SELP: variants seen among roughly 807,000 people sequenced by gnomAD.
SELP encodes the protein selectin P, also known as P-selectin.
SELP carries 92 observed loss-of-function variants against 104.1 expected under a neutral mutation model. The observed-to-expected ratio is 0.88, with a 90% CI of 0.75 to 1.05. SELP has a LOEUF of 1.05. Among genes scored for constraint, SELP ranks in the 50% least tolerant of loss-of-function variants. SELP has a pLI of 0.00. For synonymous variants in SELP, 397 were observed against 364.5 expected (o/e 1.09, Z -1.01); for missense variants, 1,022 against 1,017.3 (o/e 1.00, Z -0.06).
At chr1:169,629,142 C>G (rs1181476224) in intron 1 of SELP, among the ~76,000 whole-genome samples, 1 of 152,202 alleles carries the variant, frequency 6.6e-6, no homozygotes, top group African/African-American at 2.4e-5. Context: ...GTAGCTTAAC[C>G]ATGTGCATTT....
rs1177227413 is a variant in SELP, at chr1:169,596,983, A to G, written c.1891+8T>C. Reference sequence around the variant, plus strand: ...AGTAGAACTGTCTTAGCAAGTACATATTATTACCTTTGCAGGTTGGTGGAG... The same window carrying G: ...AGTAGAACTGTCTTAGCAAGTACATGTTATTACCTTTGCAGGTTGGTGGAG... On this transcript the variant is annotated splice_region_variant and intron_variant, in intron 11 of 16. Transcript: ENST00000263686. The G allele has an allele frequency of 3.7e-6, 6 of 1,607,792 alleles. No individual in the cohort carries two copies. The highest frequency in any genetic ancestry group is 3.4e-6 in the Non-Finnish European group (4 of 1,176,744).
In SELP at chr1:169,595,834, G is replaced by T; in HGVS notation, c.2101+91C>A. ...GATGACACTTGGAGTAGTGGTTGTGGTTGGGTGAGACTTCAACATACAGGC... is the reference window on the plus strand; with the variant it reads ...GATGACACTTGGAGTAGTGGTTGTGTTTGGGTGAGACTTCAACATACAGGC... On this transcript the variant is annotated intron_variant, in intron 12 of 16. Coordinates refer to ENST00000263686, the MANE Select transcript of SELP (RefSeq NM_003005.4). The T allele has an allele frequency of 3.7e-6, 4 of 1,094,836 alleles. No homozygotes were observed. The South Asian group carries it at 4.1e-5, about 11-fold the overall frequency. 67.8% of individuals were successfully genotyped at this position (1,094,836 alleles called of 1,614,324 possible). A position where few individuals can be genotyped will look rare whatever the true frequency, so the allele number is the denominator to read the frequency against.
At chr1:169,593,954 C>T (rs1458316396) in intron 13 of SELP, among the ~76,000 whole-genome samples, 2 of 152,118 alleles carry the variant, frequency 1.3e-5, no homozygotes, top group Non-Finnish European at 2.9e-5. Flanking sequence ...TAAATATAGA[C>T]TGTAATTTCC....
At chr1:169,628,866 G>C (rs772693602) in intron 1 of SELP, among the ~76,000 whole-genome samples, 2 of 152,134 alleles carry the variant, frequency 1.3e-5, no homozygotes, top group African/African-American at 4.8e-5. Flanking sequence ...ACTTAAGACA[G>C]GCTCAAACTC....
At chr1:169,603,292 T>TCTCC in intron 9 of SELP, 81 bp from the exon 10 acceptor site, 1 of 950,476 alleles carries the variant, frequency 1.1e-6, no homozygotes, top group Non-Finnish European at 1.5e-6. Context: ...TCTCTCTCTT[T>TCTCC]CTCCCTCTCT....
At chr1:169,624,791 G>A (rs1453985726) in intron 1 of SELP, among the ~76,000 whole-genome samples, 1 of 152,106 alleles carries the variant, frequency 6.6e-6, no homozygotes, top group Non-Finnish European at 1.5e-5. Flanking sequence ...GCAGGGTGAA[G>A]AGAAAAGCAG....
rs1207050555 is a variant in SELP, at chr1:169,620,181, C to T, written c.4-962G>A. Among the ~76,000 whole-genome samples, 7 of 152,042 alleles carry T rather than the reference C, an allele frequency of 4.6e-5. No individual in the cohort carries two copies. The East Asian group carries it at 5.8e-4, about 13-fold the overall frequency. ...GGAGATCACACCACTGCACTCTATC[C>T]GGGGCGACAGTGCAAGACTCCGTCT... On this transcript the variant is annotated intron_variant, in intron 1 of 16. Transcript: ENST00000263686.
intron 13 of SELP, 97 bp from the exon 14 acceptor site, chr1:169,593,821 T>G (rs1004154365): frequency 9.3e-6 from 12 of 1,290,694 alleles, no homozygotes; most frequent in Non-Finnish European, 1.2e-5. Flanking sequence ...CTCTAAGATG[T>G]GCGATCAAGT....
chr1:169,598,503 C>T (rs1395693100), intron 10 of SELP, among the ~76,000 whole-genome samples: 1 of 152,068 alleles, frequency 6.6e-6, no homozygotes, highest in Non-Finnish European at 1.5e-5. Flanking sequence ...TTCAAATAGC[C>T]AAAATAACAC....
chr1:169,629,071 G>A lies in SELP; in HGVS notation c.3+1001C>T, dbSNP rs2101941157. ...CCTGGTTCCTCCATAGCCACAGACTGCAGGATTTCGGACCCTGGGACTATG... is the reference window on the plus strand; with the variant it reads ...CCTGGTTCCTCCATAGCCACAGACTACAGGATTTCGGACCCTGGGACTATG... On this transcript the variant is annotated intron_variant, in intron 1 of 16. Transcript: ENST00000263686. 3.3e-5 allele frequency among the ~76,000 whole-genome samples: 5 copies of A among 152,316 alleles called. No homozygotes were observed. The Middle Eastern group carries it at 0.014, about 414-fold the overall frequency.
Position 169,597,179 on chromosome 1 carries a change from A to G in SELP, c.1706-3T>C. 6.3e-7 allele frequency: 1 copy of G among 1,582,884 alleles called. No individual in the cohort carries two copies. Among genetic ancestry groups the G allele is most frequent in the South Asian group, 1.1e-5 (1 of 87,704 alleles). ...AAAGAGTTCTGGGCACTTGATGGCT[A>G]GAGTATCAAATTAAGAGTGTCACAA... On this transcript the variant is annotated splice_region_variant and splice_polypyrimidine_tract_variant and intron_variant, in intron 10 of 16. Coordinates refer to ENST00000263686, the MANE Select transcript of SELP (RefSeq NM_003005.4).
Position 169,603,023 on chromosome 1 carries a change from T to C in SELP, c.1705+3A>G, listed in dbSNP as rs200256882. 1 of 1,609,240 alleles carries C rather than the reference T, an allele frequency of 6.2e-7. No homozygotes were observed. The highest frequency in any genetic ancestry group is 1.7e-5 in the Admixed American group (1 of 59,868). ...CATAAGAAAGGACAGACCCACAGCC[T>C]ACCTTCACACATTGGTGGGGAGTCT... On this transcript the variant is annotated splice_donor_region_variant and intron_variant, in intron 10 of 16. Coordinates refer to ENST00000263686, the MANE Select transcript of SELP (RefSeq NM_003005.4).
rs757413541 is a variant in SELP, at chr1:169,617,024, C to T, written c.481+4G>A. On this transcript the variant is annotated splice_donor_region_variant and intron_variant, in intron 3 of 16. Transcript: ENST00000263686. ...GGAAAGTTTCAAAGTAGAGAAGGCC[C>T]TACCTGTGTAACACAATGCGTGCTT... 2 of 1,591,250 alleles carry T rather than the reference C, an allele frequency of 1.3e-6. No homozygotes were observed. The highest frequency in any genetic ancestry group is 2.2e-5 in the East Asian group (1 of 44,526).
At position 169,617,286 on chromosome 1, in the gene SELP, C is replaced by T; in HGVS notation, c.223G>A (p.Glu75Lys). 1 of 1,614,124 alleles carries T rather than the reference C, an allele frequency of 6.2e-7. No individual in the cohort carries two copies. The highest frequency in any genetic ancestry group is 1.3e-5 in the African/African-American group (1 of 75,024). ...AGGACCTTATTGAGGTAATCAATTT[C>T]ATTTTTATTCTGGATGGCCACTAAG... The part of the protein sequence containing the change: ...TDLVAIQNKN[E>K]IDYLNKVLPY... Residue 75 changes from glutamate (E) to lysine (K), a missense_variant, in exon 3 of 17, where the codon GAA becomes AAA. Transcript: ENST00000263686.
rs543522260 is a variant in SELP, at chr1:169,606,062, A to T, written c.1519+887T>A. Among the ~76,000 whole-genome samples the T allele has an allele frequency of 2.6e-5, 4 of 152,348 alleles. No individual in the cohort carries two copies. The South Asian group carries it at 8.3e-4, about 32-fold the overall frequency. On this transcript the variant is annotated intron_variant, in intron 9 of 16. Transcript: ENST00000263686. ...CCGGGAGCAGTGGCTCACACCTGTA[A>T]TACCAGCACTGTGGGAGGCCGAGTC...
chr1:169,617,708 T>C (rs2244526), intron 2 of SELP, among the ~76,000 whole-genome samples: 19,375 of 152,170 alleles, frequency 0.13, 1,358 homozygotes, highest in African/African-American at 0.18. Context: ...AGTCATCTAA[T>C]TTACTCCTGT....
At chr1:169,609,991 C>T (rs1349064983) in intron 7 of SELP, among the ~76,000 whole-genome samples, 1 of 152,116 alleles carries the variant, frequency 6.6e-6, no homozygotes, top group Non-Finnish European at 1.5e-5. Context: ...TGTTCTTGCG[C>T]TGTTCATACA....
In SELP at chr1:169,617,042, G is replaced by C; in HGVS notation, c.467C>G (p.Ala156Gly). The change falls in exon 3 of 17, where the codon GCA becomes GGA. Residue 156 changes from alanine to glycine, a missense_variant. Transcript: ENST00000263686. Reference sequence around the variant, plus strand: ...GAAGGCCCTACCTGTGTAACACAATGCGTGCTTTTTCTTCAAGCAGTGCTC... The same window carrying C: ...GAAGGCCCTACCTGTGTAACACAATCCGTGCTTTTTCTTCAAGCAGTGCTC... ...NDEHCLKKKHALCYTASCQDM... is the reference protein window; with the variant it reads ...NDEHCLKKKHGLCYTASCQDM... 1 of 1,610,928 alleles carries C rather than the reference G, an allele frequency of 6.2e-7. No homozygotes were observed.
intron 8 of SELP, 29 bp from the exon 9 acceptor site, chr1:169,607,163 A>C (rs1184619506): frequency 3.8e-6 from 6 of 1,567,978 alleles, no homozygotes; most frequent in Non-Finnish European, 5.2e-6. Flanking sequence ...AGGAATAAAG[A>C]AACAGTAATA....
Sources: allele counts gnomAD v4.1 joint callset (sites outside exome capture counted in the v4.1 genomes callset), GRCh38; gene constraint gnomAD v4.1.1; transcripts MANE v1.5; gene names NCBI Gene and HGNC (gene_info 2026-07-23, HGNC 2026-07-21).